Variants in ZC3H4 observed in about 807,000 individuals in gnomAD.
The protein encoded by ZC3H4 is zinc finger CCCH-type containing 4.
Under a neutral mutation model 108.3 loss-of-function variants are expected in ZC3H4, and 13 were observed. The observed-to-expected ratio is 0.12, with a 90% confidence interval of 0.08 to 0.19. The LOEUF (loss-of-function observed/expected upper bound fraction) is 0.19, where lower values mean the gene tolerates loss of function less well. Among genes scored for constraint, ZC3H4 ranks in the 10% least tolerant of loss-of-function variants. The pLI, the probability that ZC3H4 is intolerant of heterozygous loss-of-function variation, is 1.00. For synonymous variants in ZC3H4, 917 were observed against 749.6 expected, an observed-to-expected ratio of 1.22 and a Z score of -3.65; for missense variants, 1,734 against 1,838.8, an observed-to-expected ratio of 0.94 and a Z score of 1.04.
chr19:47,112,223 A>C, intron 2 of ZC3H4: 1 of 1,164,728 alleles, frequency 8.6e-7, no homozygotes, highest in Non-Finnish European at 1.1e-6. Flanking sequence ...AGGGGGGGGA[A>C]ACGCATGAGG....
rs781073901 is a variant in ZC3H4, at chr19:47,086,486, C to A, written c.768G>T (p.Ser256=). The stretch of plus-strand genomic sequence containing the variant: ...TGCCCCTGCCCATGCCGCGGCCTCG[C>A]GATCCTCCACGGCTTCCTCGGCCCC... ...GYRGRGSRGG[S]RGRGMGRGSR... is the part of the protein sequence containing the mutation. Residue 256 remains serine (S), a synonymous_variant, in exon 6 of 15, where the codon TCG becomes TCT. Transcript: ENST00000253048. 6.8e-6 allele frequency: 11 copies of A among 1,608,904 alleles called. No homozygotes were observed. The highest frequency in any genetic ancestry group is 3.3e-5 in the Admixed American group (2 of 59,746).
Position 47,090,205 on chromosome 19 carries a change from G to A in ZC3H4, c.493-16C>T. 8 of 1,613,916 alleles carry A rather than the reference G, an allele frequency of 5.0e-6. No homozygotes were observed. The highest frequency in any genetic ancestry group is 6.8e-6 in the Non-Finnish European group (8 of 1,179,850). On this transcript the variant is annotated splice_polypyrimidine_tract_variant and intron_variant, in intron 4 of 14. Coordinates refer to ENST00000253048, the MANE Select transcript of ZC3H4 (RefSeq NM_015168.2). ...GCTGGTGGGACTGCGTCCCAGAGATGGGGAAAAGAGGTGAGCCGGATCCCA... is the reference window on the plus strand; with the variant it reads ...GCTGGTGGGACTGCGTCCCAGAGATAGGGAAAAGAGGTGAGCCGGATCCCA...
At chr19:47,097,547 T>C (rs1002594120) in intron 2 of ZC3H4, among the ~76,000 whole-genome samples, 2 of 152,190 alleles carry the variant, frequency 1.3e-5, no homozygotes, top group Non-Finnish European at 2.9e-5. Flanking sequence ...CTTCAGACTC[T>C]GTTCAACAGA....
chr19:47,103,611 C>T (rs2057930296), intron 2 of ZC3H4, among the ~76,000 whole-genome samples: 2 of 151,978 alleles, frequency 1.3e-5, no homozygotes, highest in Non-Finnish European at 2.9e-5. Context: ...TGGTAAAACC[C>T]TGTCTCCACT....
At chr19:47,112,985 G>C (rs1054415155) in intron 1 of ZC3H4, among the ~76,000 whole-genome samples, 1 of 152,170 alleles carries the variant, frequency 6.6e-6, no homozygotes, top group African/African-American at 2.4e-5. Context: ...GGGGTGGGGG[G>C]TTAAAAAGAA....
intron 7 of ZC3H4, 46 bp from the exon 8 acceptor site, chr19:47,085,241 C>A: frequency 6.3e-7 from 1 of 1,578,748 alleles, no homozygotes; most frequent in Non-Finnish European, 8.6e-7. Context: ...ACCCCCTCCC[C>A]CACCCCCAGG....
At position 47,065,560 on chromosome 19, in the gene ZC3H4, C is replaced by G. The variant is rs878899997; in HGVS notation, c.*796G>C. ...GGTGGGGTAATACTGACAGAACGTG[C>G]GTGCTCCTAGGGGCTGCCTCCTAGA... is the stretch of plus-strand genomic sequence containing the variant. On this transcript the variant is annotated 3_prime_UTR_variant, in exon 15 of 15. Transcript: ENST00000253048. 1 of 152,694 alleles carries G rather than the reference C, an allele frequency of 6.5e-6. No individual in the cohort carries two copies. The highest frequency in any genetic ancestry group is 1.5e-5 in the Non-Finnish European group (1 of 68,148). The allele number at this position is 152,694 out of a possible 1,614,324, so 9.5% of individuals were successfully genotyped here.
Position 47,112,534 on chromosome 19 carries a change from C to CGGCGAT in ZC3H4, c.50_51insATCGCC (p.Pro17_Pro18insSerPro). 9.5e-7 allele frequency: 1 copy of CGGCGAT among 1,057,102 alleles called. No individual in the cohort carries two copies. The highest frequency in any genetic ancestry group is 4.6e-5 in the South Asian group (1 of 21,828). 65.5% of individuals were successfully genotyped at this position (1,057,102 alleles called of 1,614,324 possible). On this transcript the variant is annotated inframe_insertion, in exon 2 of 15. Transcript: ENST00000253048. The stretch of plus-strand genomic sequence containing the variant: ...TTGATGGCGGCGGCGGCGATGGCGG[C>CGGCGAT]GGCGGCGACTCTGATGGCGGCGGCG...
chr19:47,067,592 C>A lies in ZC3H4; in HGVS notation c.2676G>T (p.Leu892=). Residue 892 remains leucine, a synonymous_variant, in exon 15 of 15, where the codon CTG becomes CTT. Coordinates refer to ENST00000253048, the MANE Select transcript of ZC3H4 (RefSeq NM_015168.2). The surrounding 1 kb of genome is among the most constrained non-coding windows in gnomAD (Gnocchi z 6.4). ...GCTTGGAGGTGGGCAGGGCGCGAGC[C>A]AGCCGAGGATCGGAGGGTCCCGAAT... ...PGDSGPSDPR[L]ARALPTSKPE... is the part of the protein sequence containing the mutation. 6.2e-7 allele frequency: 1 copy of A among 1,605,738 alleles called. No homozygotes were observed. The highest frequency in any genetic ancestry group is 1.1e-5 in the South Asian group (1 of 90,286).
intron 2 of ZC3H4, 85 bp downstream of exon 2, chr19:47,112,339 C>G (rs974295451): frequency 5.0e-6 from 6 of 1,206,642 alleles, no homozygotes; most frequent in African/African-American, 4.7e-5. Flanking sequence ...CTCCGCGGCC[C>G]GGCCCAACAT....
In ZC3H4 at chr19:47,072,009, C is replaced by G. The variant is rs2057337030; in HGVS notation, c.1915G>C (p.Asp639His). 8.8e-6 allele frequency: 14 copies of G among 1,593,210 alleles called. No homozygotes were observed. Among genetic ancestry groups the G allele is most frequent in the Non-Finnish European group, 1.2e-5 (14 of 1,169,528 alleles). Residue 639 changes from aspartate (D) to histidine (H), a missense_variant, in exon 13 of 15, where the codon GAC (aspartate) becomes CAC (histidine). Asp to His is a moderately conservative substitution (Grantham distance 81, BLOSUM62 -1). Around this residue, in one of 9 missense-constraint regions of ZC3H4, gnomAD observed 540 missense variants for 484.1 expected, o/e 1.12. Transcript: ENST00000253048. This position sits in a 1 kb window ranked among gnomAD's most constrained non-coding sequence, Gnocchi z 5.6. ...HPDMHPDMHP[D>H]MHPDMHADMH... ...TCTGCGTGCATGTCAGGGTGCATGTCCGGGTGCATGTCGGGGTGCATGTCA... is the reference window on the plus strand; with the variant it reads ...TCTGCGTGCATGTCAGGGTGCATGTGCGGGTGCATGTCGGGGTGCATGTCA...
At chr19:47,083,322 AAGAGAGAG>A (rs796657173) in intron 9 of ZC3H4, among the ~76,000 whole-genome samples, 3 of 148,766 alleles carry the variant, frequency 2.0e-5, no homozygotes, top group Non-Finnish European at 3.0e-5. Context: ...AAAAAAAAAA[AAGAGAGAG>A]AGAGAGAGAG....
chr19:47,080,820 A>G (rs2057508135), intron 11 of ZC3H4, among the ~76,000 whole-genome samples: 1 of 152,152 alleles, frequency 6.6e-6, no homozygotes, highest in Non-Finnish European at 1.5e-5. Context: ...TTTAGTAGCA[A>G]TGAGGTTTTG....
At chr19:47,094,733 AGGACATGGG>A in intron 2 of ZC3H4, 125 bp from the exon 3 acceptor site, 3 of 922,288 alleles carry the variant, frequency 3.3e-6, no homozygotes, top group Non-Finnish European at 5.0e-6. Context: ...AGACCCTGGG[AGGACATGGG>A]GGCCATGGCC....
At chr19:47,068,267 C>T (rs771892939) in intron 14 of ZC3H4, among the ~76,000 whole-genome samples, 3 of 152,222 alleles carry the variant, frequency 2.0e-5, no homozygotes, top group Non-Finnish European at 2.9e-5. Flanking sequence ...TCCCGCCCAC[C>T]TCCGGGCTGG....
At chr19:47,098,121 C>G (rs1364495567) in intron 2 of ZC3H4, among the ~76,000 whole-genome samples, 1 of 152,224 alleles carries the variant, frequency 6.6e-6, no homozygotes, top group African/African-American at 2.4e-5. Flanking sequence ...GACGCCCACT[C>G]TAAGGAACAG....
rs2057178709 is a variant in ZC3H4, at chr19:47,065,310, C to T, written c.*1046G>A. 6.5e-6 allele frequency: 1 copy of T among 152,736 alleles called. No homozygotes were observed. The highest frequency in any genetic ancestry group is 2.4e-5 in the African/African-American group (1 of 41,470). 9.5% of individuals were successfully genotyped at this position (152,736 alleles called of 1,614,324 possible). A position where few individuals can be genotyped will look rare whatever the true frequency, so the allele number is the denominator to read the frequency against. On this transcript the variant is annotated 3_prime_UTR_variant, in exon 15 of 15. Transcript: ENST00000253048. ...AGGAAACCCGAACACATCAATACCT[C>T]ATGCCCTGCAGGTCACACAGTGTAA...
At chr19:47,112,618 GA>G (rs1475823265) in intron 1 of ZC3H4, 29 bp from the exon 2 acceptor site, 3 of 1,217,342 alleles carry the variant, frequency 2.5e-6, no homozygotes, top group Non-Finnish European at 1.0e-6. Flanking sequence ...GTTAATGCAC[GA>G]AAAAGGACTG....
intron 2 of ZC3H4, chr19:47,111,073 C>A (rs1052348738): frequency 4.5e-6 from 1 of 224,058 alleles, no homozygotes; most frequent in African/African-American, 2.3e-5. Flanking sequence ...CTCAGCGGCT[C>A]CCCAGCCAGG....
Sources: allele counts gnomAD v4.1 joint callset (sites outside exome capture counted in the v4.1 genomes callset), GRCh38; gene constraint gnomAD v4.1.1; regional missense constraint gnomAD v4.1.1; non-coding constraint Gnocchi (gnomAD v3.1); transcripts MANE v1.5; gene names NCBI Gene and HGNC (gene_info 2026-07-23, HGNC 2026-07-21).